FER1L6: variants seen among roughly 807,000 people sequenced by gnomAD.
The protein encoded by FER1L6 is fer-1-like protein 6.
FER1L6 carries 177 observed loss-of-function variants against 219.2 expected under a neutral mutation model. The observed-to-expected ratio is 0.81, with a 90% confidence interval of 0.71 to 0.91. The LOEUF (loss-of-function observed/expected upper bound fraction) is 0.91, where lower values mean the gene tolerates loss of function less well. Among genes scored for constraint, FER1L6 ranks in the 40% least tolerant of loss-of-function variants. The probability of loss-of-function intolerance (pLI) is 0.00; values close to 1 mark genes in which losing one functional copy is unlikely to be tolerated. For missense variants in FER1L6, 2,153 were observed against 2,259.9 expected, an observed-to-expected ratio of 0.95 and a Z score of 0.96; for synonymous variants, 768 against 824.3, an observed-to-expected ratio of 0.93 and a Z score of 1.17.
chr8:124,027,202 G>C (rs1473839989), intron 18 of FER1L6, among the ~76,000 whole-genome samples: 1 of 152,188 alleles, frequency 6.6e-6, no homozygotes, highest in Non-Finnish European at 1.5e-5. Flanking sequence ...TATTTTGGGT[G>C]TTGGGGATTA....
intron 12 of FER1L6, among the ~76,000 whole-genome samples, chr8:124,000,670 T>A (rs1026822501): frequency 6.6e-6 from 1 of 152,164 alleles, no homozygotes; most frequent in Non-Finnish European, 1.5e-5. Context: ...ACAGTAGATG[T>A]TATTATGTAA....
chr8:124,050,582 T>C (rs1238721857), intron 22 of FER1L6, among the ~76,000 whole-genome samples: 2 of 152,114 alleles, frequency 1.3e-5, no homozygotes, highest in African/African-American at 4.8e-5. Flanking sequence ...GTCAGATCAA[T>C]ACCTCTATCT....
intron 7 of FER1L6, among the ~76,000 whole-genome samples, chr8:123,974,104 C>G (rs1211113308): frequency 3.3e-5 from 5 of 152,122 alleles, no homozygotes; most frequent in Non-Finnish European, 7.4e-5. Context: ...TGTTCAAGGT[C>G]AAGAGCAAGT....
intron 2 of FER1L6, among the ~76,000 whole-genome samples, chr8:123,959,720 G>A (rs1296931254): frequency 6.6e-6 from 1 of 152,128 alleles, no homozygotes; most frequent in African/African-American, 2.4e-5. Flanking sequence ...GGTTTAAAAG[G>A]TGAGTCCCCT....
chr8:124,079,430 A>T (rs1244181627), intron 32 of FER1L6, among the ~76,000 whole-genome samples: 1 of 149,350 alleles, frequency 6.7e-6, no homozygotes, highest in African/African-American at 2.5e-5. Context: ...TTCTTCAATT[A>T]AAGTCAACTA....
chr8:123,960,433 G>T (rs1395714690), intron 2 of FER1L6, among the ~76,000 whole-genome samples: 17 of 152,136 alleles, frequency 1.1e-4, no homozygotes, highest in Admixed American at 8.5e-4. Context: ...TGTTATAAGG[G>T]TTATGTTTAT....
intron 1 of FER1L6, among the ~76,000 whole-genome samples, chr8:123,899,337 C>G (rs1812818651): frequency 1.3e-5 from 2 of 151,978 alleles, no homozygotes; most frequent in Admixed American, 1.3e-4. Context: ...CCTTAGCCCA[C>G]TTTTTGATGG....
chr8:124,084,552 T>A (rs1419504204), intron 33 of FER1L6, among the ~76,000 whole-genome samples: 9 of 152,178 alleles, frequency 5.9e-5, no homozygotes, highest in Non-Finnish European at 4.4e-5. Flanking sequence ...CTGTTGATAA[T>A]GATGTATCAC....
In FER1L6 at chr8:124,096,236, C is replaced by T. The variant is rs573961780; in HGVS notation, c.4696-1035C>T. On this transcript the variant is annotated intron_variant, in intron 35 of 40. Coordinates refer to ENST00000522917, the MANE Select transcript of FER1L6 (RefSeq NM_001039112.2). The stretch of plus-strand genomic sequence containing the variant: ...CCTTCACTTGGCTGGTCAGATGTGG[C>T]TTTTTGATTAAGGATGAATATTAAT... Among the ~76,000 whole-genome samples the T allele has an allele frequency of 1.1e-4, 16 of 152,302 alleles. 1 individual carries two copies. Among genetic ancestry groups the T allele is most frequent in the African/African-American group, 3.4e-4 (14 of 41,558 alleles).
intron 25 of FER1L6, among the ~76,000 whole-genome samples, chr8:124,063,634 G>C (rs1199165769): frequency 6.6e-6 from 1 of 152,084 alleles, no homozygotes; most frequent in African/African-American, 2.4e-5. Context: ...TGTCTCACTG[G>C]TTTCTTTGTG....
intron 1 of FER1L6, among the ~76,000 whole-genome samples, chr8:123,887,144 C>T (rs1817218363): frequency 6.6e-6 from 1 of 152,202 alleles, no homozygotes; most frequent in East Asian, 1.9e-4. Context: ...TACGTTTCTT[C>T]CCTGCTACGT....
intron 12 of FER1L6, among the ~76,000 whole-genome samples, chr8:123,991,906 A>T (rs1816878300): frequency 6.6e-6 from 1 of 151,982 alleles, no homozygotes. Context: ...TTTTTTTTTA[A>T]ATCATAAAAT....
chr8:123,978,489 A>G (rs1477256699), intron 10 of FER1L6, among the ~76,000 whole-genome samples: 1 of 152,146 alleles, frequency 6.6e-6, no homozygotes, highest in Non-Finnish European at 1.5e-5. Context: ...CTTTATTTGC[A>G]AAACCCAAAT....
rs1463768990 is a variant in FER1L6 at position 123,966,073 on chromosome 8, G to A, written c.252+12G>A. The A allele has an allele frequency of 6.2e-7, 1 of 1,613,418 alleles. No individual in the cohort carries two copies. The highest frequency in any genetic ancestry group is 2.2e-5 in the East Asian group (1 of 44,834). ...CCCAAAATTATCAAGTAAGTGATTG[G>A]CTCTTCCTGCCCAGCCTCCCCCAGT... is the stretch of plus-strand genomic sequence containing the variant. On this transcript the variant is annotated intron_variant, in intron 4 of 40. Transcript: ENST00000522917.
chr8:123,932,151 C>A (rs898957859), intron 1 of FER1L6, among the ~76,000 whole-genome samples: 3 of 152,046 alleles, frequency 2.0e-5, no homozygotes, highest in Non-Finnish European at 4.4e-5. Flanking sequence ...CTCTATAGCC[C>A]AGGCTGGAGT....
intron 39 of FER1L6, among the ~76,000 whole-genome samples, chr8:124,105,220 A>T (rs561443569): frequency 6.6e-6 from 1 of 152,368 alleles, no homozygotes; most frequent in South Asian, 2.1e-4. Flanking sequence ...TCCACAGGCG[A>T]ATGGCCTGAG....
chr8:124,064,306 G>T, intron 25 of FER1L6, 41 bp from the exon 26 acceptor site: 1 of 1,547,900 alleles, frequency 6.5e-7, no homozygotes, highest in Non-Finnish European at 8.9e-7. Flanking sequence ...ACCACCCTGT[G>T]ATGCAGCCCA....
chr8:124,063,811 AT>A (rs1316659949), intron 25 of FER1L6, among the ~76,000 whole-genome samples: 1 of 152,196 alleles, frequency 6.6e-6, no homozygotes, highest in African/African-American at 2.4e-5. Context: ...AAACGGAGAG[AT>A]GAGGACCATT....
At chr8:124,087,311 G>GTCTA (rs1381937347) in intron 33 of FER1L6, among the ~76,000 whole-genome samples, 4 of 151,878 alleles carry the variant, frequency 2.6e-5, no homozygotes, top group South Asian at 2.1e-4. Flanking sequence ...TTTTCAAATA[G>GTCTA]TCTATCTTCA....
Sources: gnomAD v4.1 joint callset for allele counts (sites outside exome capture counted in the v4.1 genomes callset) on GRCh38, gnomAD v4.1.1 for gene constraint, MANE v1.5 for transcripts, NCBI Gene and HGNC (gene_info 2026-07-23, HGNC 2026-07-21) for gene names.